The following SH3TC1 variants were observed in gnomAD, a reference collection of about 807,000 sequenced individuals.
The protein encoded by SH3TC1 is SH3 domain and tetratricopeptide repeats 1.
SH3TC1 carries 135 observed loss-of-function variants against 117.3 expected under a neutral mutation model. The ratio of observed to expected loss-of-function variants is 1.15; its 90% CI spans 1.00 to 1.33. The LOEUF (loss-of-function observed/expected upper bound fraction) is 1.33, where lower values mean the gene tolerates loss of function less well. Ranked by LOEUF, SH3TC1 falls within the 40% of genes most tolerant of loss-of-function variation. SH3TC1 has a pLI of 0.00. For missense variants in SH3TC1, 2,092 were observed against 1,794.3 expected (o/e 1.17, Z -3.00); for synonymous variants, 898 against 816.9 (o/e 1.10, Z -1.69).
At chr4:8,214,724 C>T in intron 5 of SH3TC1, 144 bp downstream of exon 5, 4 of 699,438 alleles carry the variant, frequency 5.7e-6, no homozygotes, top group Non-Finnish European at 9.4e-6. Flanking sequence ...TGCTCTGTCG[C>T]CCAGGCTGGA....
In SH3TC1 at chr4:8,216,990, T is replaced by G; in HGVS notation, c.662T>G (p.Val221Gly). Residue 221 changes from valine to glycine, a missense_variant, in exon 7 of 18, where the codon GTG (valine) becomes GGG (glycine). By Grantham distance (109) the Val-to-Gly change is moderately radical. Transcript: ENST00000245105. ...TTTGTCCTGTGTCCTGACCACCATG[T>G]GAGAGTGATGACGGGTCCCCGGGAT... ...PFFVLCPDHH[V>G]RVMTGPRDAG... 6.2e-7 allele frequency: 1 copy of G among 1,613,956 alleles called. No individual in the cohort carries two copies. Among genetic ancestry groups the G allele is most frequent in the Non-Finnish European group, 8.5e-7 (1 of 1,179,922 alleles).
intron 1 of SH3TC1, among the ~76,000 whole-genome samples, chr4:8,185,205 G>A (rs565267906): frequency 6.8e-4 from 103 of 151,852 alleles, no homozygotes; most frequent in African/African-American, 2.4e-3. Context: ...GAGTGTTTGC[G>A]GGTGCCTGTA....
chr4:8,187,462 G>T (rs1285655284), intron 1 of SH3TC1, among the ~76,000 whole-genome samples: 3 of 152,102 alleles, frequency 2.0e-5, no homozygotes, highest in Admixed American at 1.3e-4. Context: ...TGCCCGGGGG[G>T]GTCTGTCTGT....
intron 11 of SH3TC1, 89 bp from the exon 12 acceptor site, chr4:8,226,891 A>C: frequency 3.1e-6 from 3 of 957,484 alleles, no homozygotes; most frequent in Non-Finnish European, 4.5e-6. Context: ...CCGGGGACAC[A>C]GAGGCTGGGG....
chr4:8,188,092 G>A lies in SH3TC1; in HGVS notation c.-57+5882G>A, dbSNP rs563948241. On this transcript the variant is annotated intron_variant, in intron 1 of 16. Coordinates refer to the SH3TC1 transcript ENST00000508641. ...CCCACTGTGTTTATTTCCTGCCAGGGAATGTATTTCACAAATATTTCACGT... is the reference window on the plus strand; with the variant it reads ...CCCACTGTGTTTATTTCCTGCCAGGAAATGTATTTCACAAATATTTCACGT... Among the ~76,000 whole-genome samples the A allele has an allele frequency of 7.4e-4, 112 of 152,334 alleles. 2 individuals are homozygous for A. Among genetic ancestry groups the A allele is most frequent in the Non-Finnish European group, 7.9e-4 (54 of 68,036 alleles).
upstream of SH3TC1, among the ~76,000 whole-genome samples, chr4:8,198,958 C>T (rs1454679191): frequency 6.6e-6 from 1 of 152,132 alleles, no homozygotes; most frequent in Non-Finnish European, 1.5e-5. Flanking sequence ...TGTGTGTGTG[C>T]AGTAAATGGA....
chr4:8,197,774 G>A (rs922267062), upstream of SH3TC1, among the ~76,000 whole-genome samples: 3 of 152,242 alleles, frequency 2.0e-5, no homozygotes, highest in African/African-American at 7.2e-5. Context: ...CCCGGGCCCT[G>A]GCCTCAGTGG....
intron 17 of SH3TC1, among the ~76,000 whole-genome samples, chr4:8,239,468 A>G (rs1722137174): frequency 6.6e-6 from 1 of 150,706 alleles, no homozygotes; most frequent in Non-Finnish European, 1.5e-5. Flanking sequence ...GCACACAGGC[A>G]TATGCACACA....
chr4:8,184,201 C>T (rs1717161095), intron 1 of SH3TC1, among the ~76,000 whole-genome samples: 1 of 152,232 alleles, frequency 6.6e-6, no homozygotes, highest in Non-Finnish European at 1.5e-5. Flanking sequence ...ACGTCTCCAA[C>T]TCAAATCCAT....
chr4:8,197,437 C>T (rs1346841459), upstream of SH3TC1, among the ~76,000 whole-genome samples: 1 of 152,246 alleles, frequency 6.6e-6, no homozygotes, highest in South Asian at 2.1e-4. Flanking sequence ...CCATCTTCCT[C>T]CTCAGACGCA....
chr4:8,241,086 G>GA lies in SH3TC1; in HGVS notation c.*131_*132insA. 1 of 1,105,388 alleles carries GA rather than the reference G, an allele frequency of 9.0e-7. No individual in the cohort carries two copies. Among genetic ancestry groups the GA allele is most frequent in the Non-Finnish European group, 1.2e-6 (1 of 827,068 alleles). The allele number at this position is 1,105,388 out of a possible 1,614,324, so 68.5% of individuals were successfully genotyped here. ...GGCCAAATAGCAATAAATGGGTTTT[G>GA]TTTTTTTTTTGCAATAACTTATTGA... On this transcript the variant is annotated 3_prime_UTR_variant, in exon 18 of 18. Coordinates refer to ENST00000245105, the MANE Select transcript of SH3TC1 (RefSeq NM_018986.5).
intron 14 of SH3TC1, 64 bp from the exon 15 acceptor site, chr4:8,235,369 G>C (rs1678260): frequency 1 from 1,398,645 of 1,403,036 alleles, 697,236 homozygotes; most frequent in East Asian, 1. Flanking sequence ...GGGGGAGTCC[G>C]ACCTGGGTGG....
chr4:8,236,411 C>A lies in SH3TC1; in HGVS notation c.3539C>A (p.Ala1180Glu). The change falls in exon 16 of 18, where the codon GCA (alanine) becomes GAA (glutamate). Residue 1180 changes from alanine to glutamate, a missense_variant. Physicochemically the swap from Ala to Glu is moderately radical, Grantham distance 107 (BLOSUM62 -1). Coordinates refer to ENST00000245105, the MANE Select transcript of SH3TC1 (RefSeq NM_018986.5). Reference protein sequence around the residue: ...EGLEFAHMALALSITLGDRLN... With the variant: ...EGLEFAHMALELSITLGDRLN... Reference sequence around the variant, plus strand: ...TTGGAGTTTGCCCACATGGCCCTAGCACTCAGCATCACCCTGGGTAAGCCC... The same window carrying A: ...TTGGAGTTTGCCCACATGGCCCTAGAACTCAGCATCACCCTGGGTAAGCCC... 2 of 1,500,650 alleles carry A rather than the reference C, an allele frequency of 1.3e-6. No individual in the cohort carries two copies. Among genetic ancestry groups the A allele is most frequent in the Middle Eastern group, 1.7e-4 (1 of 5,744 alleles). The allele number at this position is 1,500,650 out of a possible 1,614,324, so 93.0% of individuals were successfully genotyped here.
chr4:8,186,067 C>T lies in SH3TC1; in HGVS notation c.-57+3857C>T, dbSNP rs1182399639. ...CGGTGATAGGCAGGAGCTGTCCGCG[C>T]GGGCCCCTCGCTGTTTTACTGTGGA... On this transcript the variant is annotated intron_variant, in intron 1 of 16. Transcript: ENST00000508641. This position sits in a 1 kb window ranked among gnomAD's most constrained non-coding sequence, Gnocchi z 5.2. Among the ~76,000 whole-genome samples the T allele has an allele frequency of 2.0e-5, 3 of 152,284 alleles. No homozygotes were observed. Among genetic ancestry groups the T allele is most frequent in the East Asian group, 3.9e-4 (2 of 5,186 alleles).
In SH3TC1 at chr4:8,186,233, T is replaced by G. The variant is rs1717219506; in HGVS notation, c.-57+4023T>G. The stretch of plus-strand genomic sequence containing the variant: ...GCAGCAAAATTTGCTTGTTGCACAT[T>G]AAAAGTAATGGGAGTGAGGAACATC... On this transcript the variant is annotated intron_variant, in intron 1 of 16. Transcript: ENST00000508641. The surrounding 1 kb of genome is among the most constrained non-coding windows in gnomAD (Gnocchi z 5.2). Among the ~76,000 whole-genome samples, 2 of 152,076 alleles carry G rather than the reference T, an allele frequency of 1.3e-5. No homozygotes were observed. The highest frequency in any genetic ancestry group is 1.3e-4 in the Admixed American group (2 of 15,270).
chr4:8,205,216 A>T lies in SH3TC1; in HGVS notation c.22A>T (p.Thr8Ser). 6.5e-7 allele frequency: 1 copy of T among 1,544,062 alleles called. No homozygotes were observed. MENLPAV[T>S]TEEPTPMGRG... ...GGTCATGGAGAACCTCCCTGCCGTG[A>T]CCACTGAGGAGCCGACCCCCATGGG... Residue 8 changes from threonine (T) to serine (S), a missense_variant, in exon 2 of 18, where the codon ACC becomes TCC. By Grantham distance (58) the Thr-to-Ser change is moderately conservative. Transcript: ENST00000245105. This position sits in a 1 kb window ranked among gnomAD's most constrained non-coding sequence, Gnocchi z 5.4.
At chr4:8,235,231 C>T (rs143790537) in intron 14 of SH3TC1, among the ~76,000 whole-genome samples, 55 of 152,340 alleles carry the variant, frequency 3.6e-4, no homozygotes, top group African/African-American at 1.1e-3. Flanking sequence ...TGCAGCTGCA[C>T]AGTCACCTCC....
At chr4:8,231,384 T>C (rs1560110082) in intron 12 of SH3TC1, 1 of 155,210 alleles carries the variant, frequency 6.4e-6, no homozygotes, top group Non-Finnish European at 1.4e-5. Flanking sequence ...GCGTGTGTGA[T>C]AGATGTCCAC....
Position 8,205,356 on chromosome 4 carries a change from A to G in SH3TC1, c.162A>G (p.Pro54=), listed in dbSNP as rs2677605. 777,444 of 1,546,946 alleles carry G rather than the reference A, an allele frequency of 0.5. 197,143 individuals carry two copies. Among genetic ancestry groups the G allele is most frequent in the African/African-American group, 0.53 (38,707 of 72,806 alleles). Residue 54 remains proline, a synonymous_variant, in exon 2 of 18, where the codon CCA becomes CCG. Transcript: ENST00000245105. This position sits in a 1 kb window ranked among gnomAD's most constrained non-coding sequence, Gnocchi z 5.4. ...EKAGPEEAKA[P]VRGDEAPPAR... is the part of the protein sequence containing the mutation. ...CGGGGCCCGAGGAGGCCAAGGCGCC[A>G]GTGAGAGGCGGTGAGTTCATTCCAC...
Sources: gnomAD v4.1 joint callset for allele counts (sites outside exome capture counted in the v4.1 genomes callset) on GRCh38, gnomAD v4.1.1 for gene constraint, Gnocchi (gnomAD v3.1) non-coding constraint, MANE v1.5 for transcripts, NCBI Gene and HGNC (gene_info 2026-07-23, HGNC 2026-07-21) for gene names.